PTPRK: variants seen among roughly 807,000 people sequenced by gnomAD.
PTPRK encodes receptor-type tyrosine-protein phosphatase kappa.
Under a neutral mutation model 178.0 loss-of-function variants are expected in PTPRK, and 75 were observed. That is an observed-to-expected ratio of 0.42 (90% CI 0.35 to 0.51). The LOEUF is 0.51. Among genes scored for constraint, PTPRK ranks in the 20% least tolerant of loss-of-function variants. The probability of loss-of-function intolerance (pLI) is 0.02; values close to 1 mark genes in which losing one functional copy is unlikely to be tolerated. For synonymous variants in PTPRK, 637 were observed against 620.6 expected, an observed-to-expected ratio of 1.03 and a Z score of -0.39; for missense variants, 1,441 against 1,797.8, an observed-to-expected ratio of 0.80 and a Z score of 3.59.
intron 3 of PTPRK, among the ~76,000 whole-genome samples, chr6:128,302,264 C>T (rs1255814751): frequency 2.6e-5 from 4 of 151,546 alleles, no homozygotes; most frequent in Non-Finnish European, 5.9e-5. Flanking sequence ...TGGTGGCGGG[C>T]GCCTGTAGTC....
At position 128,003,289 on chromosome 6, in the gene PTPRK, T is replaced by C. The variant is rs1338260703; in HGVS notation, c.2494+1795A>G. 27 of 1,414,556 alleles carry C rather than the reference T, an allele frequency of 1.9e-5. 1 individual carries two copies. In the Admixed American group the frequency reaches 3.1e-4, roughly 16 times the overall value. 87.6% of individuals were successfully genotyped at this position (1,414,556 alleles called of 1,614,324 possible). A position where few individuals can be genotyped will look rare whatever the true frequency, so the allele number is the denominator to read the frequency against. On this transcript the variant is annotated intron_variant, in intron 15 of 29. Coordinates refer to ENST00000368226, the MANE Select transcript of PTPRK (RefSeq NM_002844.4). ...ATTGCTCTAAAATTGTTTTTTAAAATCTTTTTTCTTTAAAATAGATTTATG... is the reference window on the plus strand; with the variant it reads ...ATTGCTCTAAAATTGTTTTTTAAAACCTTTTTTCTTTAAAATAGATTTATG...
chr6:128,270,888 T>A (rs1363023541), intron 3 of PTPRK, among the ~76,000 whole-genome samples: 3 of 152,110 alleles, frequency 2.0e-5, no homozygotes, highest in African/African-American at 7.2e-5. Context: ...AGACCAATGC[T>A]TTGTTTTTAG....
At chr6:128,074,474 C>T (rs4496821) in intron 11 of PTPRK, among the ~76,000 whole-genome samples, 8,285 of 151,792 alleles carry the variant, frequency 0.055, 826 homozygotes, top group African/African-American at 0.19. Flanking sequence ...AATTCATTTA[C>T]GAAGAAACCT....
rs1778023696 is a variant in PTPRK at position 128,003,107 on chromosome 6, C to T, written c.2494+1977G>A. 2.5e-5 allele frequency: 32 copies of T among 1,303,730 alleles called. 1 individual carries two copies. In the South Asian group the frequency reaches 3.8e-4, roughly 16 times the overall value. 80.8% of individuals were successfully genotyped at this position (1,303,730 alleles called of 1,614,324 possible). ...GTCTATTTTCAAAATCAAGCTGCCT[C>T]CTGCACTGTAAATAATCTCTATGTG... On this transcript the variant is annotated intron_variant, in intron 15 of 29. Coordinates refer to ENST00000368226, the MANE Select transcript of PTPRK (RefSeq NM_002844.4).
At chr6:128,100,877 A>G (rs1355180681) in intron 7 of PTPRK, among the ~76,000 whole-genome samples, 1 of 152,040 alleles carries the variant, frequency 6.6e-6, no homozygotes, top group South Asian at 2.1e-4. Context: ...CTTAAATTGT[A>G]TAAGTAAAAA....
chr6:128,428,582 T>A (rs1401107082), intron 1 of PTPRK, among the ~76,000 whole-genome samples: 2 of 152,168 alleles, frequency 1.3e-5, no homozygotes, highest in African/African-American at 4.8e-5. Flanking sequence ...AATATGTCAA[T>A]GTGAAGATCT....
At chr6:127,992,250 G>T (rs1220050981) in intron 19 of PTPRK, among the ~76,000 whole-genome samples, 1 of 151,488 alleles carries the variant, frequency 6.6e-6, no homozygotes, top group Non-Finnish European at 1.5e-5. Context: ...GTCTTGACTC[G>T]TCAAAAAATT....
chr6:128,110,155 C>A (rs986574801), intron 7 of PTPRK, among the ~76,000 whole-genome samples: 2 of 152,042 alleles, frequency 1.3e-5, no homozygotes, highest in African/African-American at 2.4e-5. Flanking sequence ...AACTTCTGGC[C>A]TCGAGCAGTC....
chr6:128,267,378 T>C (rs1819125057), intron 3 of PTPRK, among the ~76,000 whole-genome samples: 1 of 152,090 alleles, frequency 6.6e-6, no homozygotes, highest in South Asian at 2.1e-4. Context: ...TTAAAACCCA[T>C]GTATTCCATG....
intron 2 of PTPRK, among the ~76,000 whole-genome samples, chr6:128,355,878 T>C (rs188046641): frequency 6.6e-6 from 1 of 152,366 alleles, no homozygotes; most frequent in East Asian, 1.9e-4. Flanking sequence ...AAACATATTT[T>C]CTACTAGAAT....
At chr6:128,190,918 C>G (rs1472987350) in intron 6 of PTPRK, among the ~76,000 whole-genome samples, 1 of 152,082 alleles carries the variant, frequency 6.6e-6, no homozygotes, top group Non-Finnish European at 1.5e-5. Flanking sequence ...TATGCCAGTA[C>G]CTATGTAGGT....
intron 9 of PTPRK, 34 bp from the exon 10 acceptor site, chr6:128,082,672 T>G: frequency 6.8e-7 from 1 of 1,467,096 alleles, no homozygotes; most frequent in Non-Finnish European, 9.4e-7. Flanking sequence ...ACATATCTAG[T>G]ATCCATCATA....
chr6:128,116,307 A>G (rs1167090776), intron 7 of PTPRK, among the ~76,000 whole-genome samples: 1 of 152,118 alleles, frequency 6.6e-6, no homozygotes, highest in Admixed American at 6.5e-5. Flanking sequence ...TTTTATCTAT[A>G]CTTAATATTT....
At chr6:128,198,151 A>G (rs1467019311) in intron 6 of PTPRK, among the ~76,000 whole-genome samples, 1 of 152,204 alleles carries the variant, frequency 6.6e-6, no homozygotes, top group African/African-American at 2.4e-5. Flanking sequence ...TGAACACTAT[A>G]AAATGGTTAT....
intron 7 of PTPRK, among the ~76,000 whole-genome samples, chr6:128,138,800 G>A (rs1333588072): frequency 6.6e-6 from 1 of 152,030 alleles, no homozygotes; most frequent in Non-Finnish European, 1.5e-5. Context: ...CAGAGTGGCA[G>A]AATAGGAGAT....
At chr6:128,082,696 A>G in intron 9 of PTPRK, 58 bp from the exon 10 acceptor site, 1 of 1,338,570 alleles carries the variant, frequency 7.5e-7, no homozygotes, top group Non-Finnish European at 1.0e-6. Flanking sequence ...AACTGTAAAT[A>G]AACTCTGTAT....
chr6:128,352,153 C>T (rs1309380957), intron 2 of PTPRK, among the ~76,000 whole-genome samples: 1 of 145,078 alleles, frequency 6.9e-6, no homozygotes, highest in Non-Finnish European at 1.5e-5. Context: ...ACTAAGGAGG[C>T]TGGGGCAGGA....
intron 2 of PTPRK, among the ~76,000 whole-genome samples, chr6:128,381,129 A>G (rs896963637): frequency 6.6e-6 from 1 of 152,190 alleles, no homozygotes; most frequent in Non-Finnish European, 1.5e-5. Flanking sequence ...GCCTTATGAC[A>G]TTATAGACTG....
chr6:127,988,095 T>C (rs1337103678), intron 21 of PTPRK, among the ~76,000 whole-genome samples: 1 of 151,004 alleles, frequency 6.6e-6, no homozygotes, highest in Non-Finnish European at 1.5e-5. Flanking sequence ...ATTTTCTTAA[T>C]TCACTACTAG....
Sources: allele counts gnomAD v4.1 joint callset (sites outside exome capture counted in the v4.1 genomes callset), GRCh38; gene constraint gnomAD v4.1.1; transcripts MANE v1.5; gene names NCBI Gene and HGNC (gene_info 2026-07-23, HGNC 2026-07-21).